The following RBBP8 variants were observed in gnomAD, a reference collection of about 807,000 sequenced individuals.
The protein encoded by RBBP8 is RB binding protein 8, endonuclease, also known as DNA endonuclease RBBP8.
RBBP8 carries 88 observed loss-of-function variants against 108.3 expected under a neutral mutation model. That is an observed-to-expected ratio of 0.81 (90% confidence interval 0.68 to 0.97). The LOEUF (loss-of-function observed/expected upper bound fraction) is 0.97. RBBP8 is among the 50% of genes least tolerant of loss of function. RBBP8 has a pLI of 0.00. For synonymous variants in RBBP8, 332 were observed against 348.2 expected, an observed-to-expected ratio of 0.95 and a Z score of 0.52; for missense variants, 1,023 against 1,049.0, an observed-to-expected ratio of 0.98 and a Z score of 0.34.
chr18:22,983,603 T>C (rs969604439), intron 7 of RBBP8, among the ~76,000 whole-genome samples: 6 of 152,180 alleles, frequency 3.9e-5, no homozygotes, highest in Non-Finnish European at 5.9e-5. Context: ...AACAATTCCA[T>C]ATTAGGAAAG....
chr18:22,980,530 AAG>A (rs1914837540), intron 6 of RBBP8, among the ~76,000 whole-genome samples: 1 of 152,098 alleles, frequency 6.6e-6, no homozygotes, highest in Non-Finnish European at 1.5e-5. Context: ...AACCTCAAGG[AAG>A]AGAGTGTGGC....
At chr18:22,935,004 C>T (rs1333814311) in intron 1 of RBBP8, among the ~76,000 whole-genome samples, 1 of 148,160 alleles carries the variant, frequency 6.7e-6, no homozygotes, top group Non-Finnish European at 1.5e-5. Flanking sequence ...TATTAATATT[C>T]TATAGTTTCT....
intron 3 of RBBP8, among the ~76,000 whole-genome samples, chr18:22,947,808 A>T (rs1268576681): frequency 6.6e-6 from 1 of 152,094 alleles, no homozygotes; most frequent in Non-Finnish European, 1.5e-5. Flanking sequence ...CAATTAGTAA[A>T]TGCTCTTTAT....
intron 16 of RBBP8, among the ~76,000 whole-genome samples, chr18:23,014,061 C>T (rs1362194492): frequency 1.3e-5 from 2 of 152,078 alleles, no homozygotes; most frequent in African/African-American, 2.4e-5. Context: ...GTGAATGGCG[C>T]GATCTTGGCT....
chr18:22,950,442 G>A (rs899398286), intron 4 of RBBP8, among the ~76,000 whole-genome samples: 1 of 151,964 alleles, frequency 6.6e-6, no homozygotes, highest in African/African-American at 2.4e-5. Context: ...TAAAAGCTGA[G>A]CATGATGGCC....
intron 4 of RBBP8, among the ~76,000 whole-genome samples, chr18:22,964,999 C>T (rs970432437): frequency 6.6e-6 from 1 of 152,018 alleles, no homozygotes; most frequent in African/African-American, 2.4e-5. Flanking sequence ...TTTCCTTTGA[C>T]ATCATTTCTT....
chr18:23,026,298 G>GA lies in RBBP8; in HGVS notation c.*58_*59insA. 2 of 1,362,690 alleles carry GA rather than the reference G, an allele frequency of 1.5e-6. No individual in the cohort carries two copies. Among genetic ancestry groups the GA allele is most frequent in the African/African-American group, 1.4e-5 (1 of 70,040 alleles). The allele number at this position is 1,362,690 out of a possible 1,614,324, so 84.4% of individuals were successfully genotyped here. A position where few individuals can be genotyped will look rare whatever the true frequency, so the allele number is the denominator to read the frequency against. On this transcript the variant is annotated 3_prime_UTR_variant, in exon 19 of 19. Coordinates refer to ENST00000327155, the MANE Select transcript of RBBP8 (RefSeq NM_002894.3). ...GTTTTTTCCTTCTTAGTTATTTATA[G>GA]TTAAAGTTGGTACTAAACATTGATT...
At chr18:22,955,355 T>C (rs1402909682) in intron 4 of RBBP8, among the ~76,000 whole-genome samples, 1 of 152,192 alleles carries the variant, frequency 6.6e-6, no homozygotes, top group Non-Finnish European at 1.5e-5. Flanking sequence ...GATTTATCTC[T>C]TGTTTCATGA....
intron 2 of RBBP8, among the ~76,000 whole-genome samples, chr18:22,915,721 G>A (rs1909330459): frequency 6.6e-6 from 1 of 151,998 alleles, no homozygotes; most frequent in African/African-American, 2.4e-5. Context: ...TATTGCATAT[G>A]ATAATTTAAA....
At position 22,993,559 on chromosome 18, in the gene RBBP8, A is replaced by G; in HGVS notation, c.1732A>G (p.Lys578Glu). The G allele has an allele frequency of 6.2e-7, 1 of 1,613,444 alleles. No individual in the cohort carries two copies. The highest frequency in any genetic ancestry group is 1.3e-5 in the African/African-American group (1 of 74,916). ...SPDNKPSLQIKEENAVFKIPL... is the reference protein window; with the variant it reads ...SPDNKPSLQIEEENAVFKIPL... ...AGACAATAAACCATCATTACAAATA[A>G]AAGAAGAAAATGCTGTCTTTAAAAT... is the stretch of plus-strand genomic sequence containing the variant. The change falls in exon 11 of 19, where the codon AAA (lysine) becomes GAA (glutamate). Residue 578 changes from lysine to glutamate, a missense_variant. Transcript: ENST00000327155.
chr18:22,918,488 T>C (rs552614330), intron 3 of RBBP8, among the ~76,000 whole-genome samples: 2 of 152,286 alleles, frequency 1.3e-5, no homozygotes, highest in African/African-American at 2.4e-5. Flanking sequence ...TATACTGACA[T>C]AGAAAAGGTA....
chr18:23,014,354 G>A (rs2046221692), intron 16 of RBBP8, among the ~76,000 whole-genome samples: 1 of 152,114 alleles, frequency 6.6e-6, no homozygotes, highest in Non-Finnish European at 1.5e-5. Context: ...CCTGTGATGG[G>A]CAAAGTAAAC....
intron 17 of RBBP8, among the ~76,000 whole-genome samples, chr18:23,020,590 C>CT (rs1024290053): frequency 7.5e-5 from 11 of 146,528 alleles, no homozygotes; most frequent in Admixed American, 6.9e-5. Context: ...AATGAATGGC[C>CT]TTTTTTTTTT....
intron 3 of RBBP8, chr18:22,920,661 G>A (rs1909557096): frequency 6.7e-6 from 1 of 149,572 alleles, no homozygotes. Context: ...AGAAATATAA[G>A]ATTGATTATA....
At chr18:22,996,559 T>G in intron 13 of RBBP8, 97 bp downstream of exon 13, 7 of 1,536,098 alleles carry the variant, frequency 4.6e-6, no homozygotes, top group Non-Finnish European at 6.1e-6. Flanking sequence ...CTTAAGATAA[T>G]CAGATACGTC....
intron 4 of RBBP8, among the ~76,000 whole-genome samples, chr18:22,954,965 A>G (rs1912385697): frequency 6.6e-6 from 1 of 152,214 alleles, no homozygotes; most frequent in Middle Eastern, 3.2e-3. Context: ...GATTTCAAGC[A>G]GTTCTCCCAC....
At position 23,022,132 on chromosome 18, in the gene RBBP8, T is replaced by C; in HGVS notation, c.2458T>C (p.Tyr820His). Reference sequence around the variant, plus strand: ...ACTTACCAGTTTTTATTATTAGTATTATGCAGATATGCCAGCAGAAGAAAG... The same window carrying C: ...ACTTACCAGTTTTTATTATTAGTATCATGCAGATATGCCAGCAGAAGAAAG... ...GHTCKECEIY[Y>H]ADMPAEEREK... Residue 820 changes from tyrosine (Y) to histidine (H), a missense_variant, in exon 18 of 19, where the codon TAT becomes CAT. By Grantham distance (83) the Tyr-to-His change is moderately conservative. Coordinates refer to ENST00000327155, the MANE Select transcript of RBBP8 (RefSeq NM_002894.3). 6.3e-7 allele frequency: 1 copy of C among 1,595,594 alleles called. No homozygotes were observed. The highest frequency in any genetic ancestry group is 1.1e-5 in the South Asian group (1 of 90,660).
At chr18:22,927,501 G>A (rs73964393) in intron 3 of RBBP8, among the ~76,000 whole-genome samples, 5,951 of 152,172 alleles carry the variant, frequency 0.039, 131 homozygotes, top group African/African-American at 0.063. Flanking sequence ...TGCGCTGTAC[G>A]ATACAGTAGC....
chr18:22,915,182 T>A (rs1909306422), intron 1 of RBBP8, among the ~76,000 whole-genome samples: 2 of 152,122 alleles, frequency 1.3e-5, no homozygotes, highest in African/African-American at 4.8e-5. Flanking sequence ...AAAATTTTTT[T>A]AACATATTAT....
Sources: gnomAD v4.1 joint callset for allele counts (sites outside exome capture counted in the v4.1 genomes callset) on GRCh38, gnomAD v4.1.1 for gene constraint, MANE v1.5 for transcripts, NCBI Gene and HGNC (gene_info 2026-07-23, HGNC 2026-07-21) for gene names.